Variants in NUP58 observed in about 807,000 individuals in gnomAD.
NUP58 encodes the protein nucleoporin 58.
NUP58 carries 17 observed loss-of-function variants against 70.1 expected under a neutral mutation model. The observed-to-expected ratio is 0.24, with a 90% CI of 0.17 to 0.36. NUP58 has a LOEUF of 0.36. Among genes scored for constraint, NUP58 ranks in the 10% least tolerant of loss-of-function variants. The pLI, the probability that NUP58 is intolerant of heterozygous loss-of-function variation, is 1.00. For missense variants in NUP58, 644 were observed against 701.5 expected (o/e 0.92, Z 0.93); for synonymous variants, 275 against 257.6 (o/e 1.07, Z -0.65).
At chr13:25,334,804 G>A (rs2031725688) in intron 13 of NUP58, 1 of 984,566 alleles carries the variant, frequency 1.0e-6, no homozygotes, top group Non-Finnish European at 1.2e-6. Flanking sequence ...TGGTTTTGTT[G>A]TGTGTGAATA....
chr13:25,329,539 A>C (rs1397576804), intron 12 of NUP58, among the ~76,000 whole-genome samples: 1 of 152,224 alleles, frequency 6.6e-6, no homozygotes, highest in Admixed American at 6.5e-5. Context: ...CCAGGAACGA[A>C]AGGATATTCC....
chr13:25,347,333 A>G (rs564235490), downstream of NUP58, among the ~76,000 whole-genome samples: 1 of 152,192 alleles, frequency 6.6e-6, no homozygotes, highest in Non-Finnish European at 1.5e-5. Context: ...ACTTCTGCTC[A>G]TACCACATTG....
downstream of NUP58, among the ~76,000 whole-genome samples, chr13:25,343,813 A>ATATATG (rs1566076130): frequency 6.8e-6 from 1 of 146,830 alleles, no homozygotes; most frequent in African/African-American, 2.5e-5. Flanking sequence ...ATGTATATAT[A>ATATATG]TATATATATA....
intron 1 of NUP58, among the ~76,000 whole-genome samples, chr13:25,302,410 C>CT (rs1491136617): frequency 6.6e-6 from 1 of 152,094 alleles, no homozygotes; most frequent in African/African-American, 2.4e-5. Flanking sequence ...AACAAAAACA[C>CT]TTTTTTACAG....
At chr13:25,313,919 G>A (rs1441068470) in intron 5 of NUP58, among the ~76,000 whole-genome samples, 168 bp downstream of exon 5, 4 of 151,816 alleles carry the variant, frequency 2.6e-5, no homozygotes, top group South Asian at 2.1e-4. Flanking sequence ...TGTATTAACC[G>A]TATTTTATTT....
chr13:25,333,292 T>C (rs1306025251), intron 13 of NUP58: 3 of 985,254 alleles, frequency 3.0e-6, no homozygotes, highest in African/African-American at 3.5e-5. Context: ...GTAGACAATA[T>C]AGATTTTGTC....
rs2031955067 is a variant in NUP58 at position 25,341,541 on chromosome 13, T to A, written c.*1407T>A. ...TTGGAATAGAGAAACCAGTATATTT[T>A]AAAAAAGAAAAATATTCTTTGTAGC... On this transcript the variant is annotated 3_prime_UTR_variant, in exon 16 of 16. Transcript: ENST00000381736. 1 of 152,558 alleles carries A rather than the reference T, an allele frequency of 6.6e-6. No homozygotes were observed. Among genetic ancestry groups the A allele is most frequent in the Admixed American group, 6.5e-5 (1 of 15,274 alleles). The allele number at this position is 152,558 out of a possible 1,614,324, so 9.5% of individuals were successfully genotyped here.
At chr13:25,338,974 C>G in intron 15 of NUP58, 1 of 277,260 alleles carries the variant, frequency 3.6e-6, no homozygotes. Context: ...ATTACATCTT[C>G]TAACTCAGAG....
rs1566074674 is a variant in NUP58, at chr13:25,341,154, C to G, written c.*1020C>G. ...TCAACTTTATTGCCCCTGATCTTTT[C>G]CATTTTTGTTTCCACCTTAACCTAT... On this transcript the variant is annotated 3_prime_UTR_variant, in exon 16 of 16. Coordinates refer to ENST00000381736, the MANE Select transcript of NUP58 (RefSeq NM_014089.4). 1 of 152,256 alleles carries G rather than the reference C, an allele frequency of 6.6e-6. No homozygotes were observed. Among genetic ancestry groups the G allele is most frequent in the South Asian group, 2.1e-4 (1 of 4,830 alleles). 9.4% of individuals were successfully genotyped at this position (152,256 alleles called of 1,614,324 possible). A position where few individuals can be genotyped will look rare whatever the true frequency, so the allele number is the denominator to read the frequency against.
chr13:25,337,079 T>A, intron 14 of NUP58, 45 bp downstream of exon 14: 1 of 1,376,214 alleles, frequency 7.3e-7, no homozygotes, highest in Non-Finnish European at 1.0e-6. Flanking sequence ...ATTATATATT[T>A]GAATTGATAC....
At chr13:25,304,498 A>G (rs1314524824) in intron 1 of NUP58, among the ~76,000 whole-genome samples, 1 of 115,822 alleles carries the variant, frequency 8.6e-6, no homozygotes, top group African/African-American at 3.1e-5. Context: ...ATATATATAT[A>G]TATATATATA....
In NUP58 at chr13:25,304,478, TTATATATATATATA is replaced by T. The variant is rs67019897; in HGVS notation, c.107+2624_107+2637del. On this transcript the variant is annotated intron_variant, in intron 1 of 15. Coordinates refer to ENST00000381736, the MANE Select transcript of NUP58 (RefSeq NM_014089.4). ...AATGTCTTCAGTTATGTTGTCAAGATTATATATATATATATATATATATATATATATATATATAT... is the reference window on the plus strand; with the variant it reads ...AATGTCTTCAGTTATGTTGTCAAGATTATATATATATATATATATATATAT... Among the ~76,000 whole-genome samples, 243 of 83,426 alleles carry T rather than the reference TTATATATATATATA, an allele frequency of 2.9e-3. 5 individuals carry two copies. The South Asian group carries it at 0.034, about 12-fold the overall frequency. The allele number at this position is 83,426 out of a possible 152,430, so 54.7% of individuals were successfully genotyped here.
chr13:25,337,048 T>A lies in NUP58; in HGVS notation c.1534+14T>A, dbSNP rs1391078319. 6.5e-7 allele frequency: 1 copy of A among 1,540,096 alleles called. No homozygotes were observed. The highest frequency in any genetic ancestry group is 1.4e-5 in the African/African-American group (1 of 71,876). On this transcript the variant is annotated intron_variant, in intron 14 of 15. Coordinates refer to ENST00000381736, the MANE Select transcript of NUP58 (RefSeq NM_014089.4). ...CAAACCTTGGAGGTACACTTTAACT[T>A]TTCTAATATTTCATTGAACTATTAT...
At chr13:25,334,943 A>G (rs918341819) in intron 13 of NUP58, 16 of 985,110 alleles carry the variant, frequency 1.6e-5, no homozygotes, top group Non-Finnish European at 1.8e-5. Flanking sequence ...TGACTATTCA[A>G]ATTTCAAAGC....
At chr13:25,344,882 C>T (rs749168417), downstream of NUP58, among the ~76,000 whole-genome samples, 1 of 152,120 alleles carries the variant, frequency 6.6e-6, no homozygotes, top group Non-Finnish European at 1.5e-5. Context: ...AGTTAATGTC[C>T]TACCTTTTCT....
Position 25,341,942 on chromosome 13 carries a change from A to T in NUP58, c.*1808A>T, listed in dbSNP as rs1323668148. ...TGCATGTGCCACACATTTTTTGTAT[A>T]ATGTTGGGTTTGATTATAAAAGTGT... On this transcript the variant is annotated 3_prime_UTR_variant, in exon 16 of 16. Transcript: ENST00000381736. The T allele has an allele frequency of 1.3e-5, 2 of 152,140 alleles. No homozygotes were observed. Among genetic ancestry groups the T allele is most frequent in the Non-Finnish European group, 2.9e-5 (2 of 67,998 alleles). The allele number at this position is 152,140 out of a possible 1,614,324, so 9.4% of individuals were successfully genotyped here.
downstream of NUP58, among the ~76,000 whole-genome samples, chr13:25,343,594 C>T (rs2032006460): frequency 6.6e-6 from 1 of 151,018 alleles, no homozygotes; most frequent in East Asian, 1.9e-4. Flanking sequence ...GGATTGCAGG[C>T]ATGATTACGC....
At chr13:25,310,194 A>G (rs185753883) in intron 3 of NUP58, among the ~76,000 whole-genome samples, 2 of 143,130 alleles carry the variant, frequency 1.4e-5, no homozygotes, top group Admixed American at 7.1e-5. Flanking sequence ...CACATACCAC[A>G]ACCCTTGGCT....
rs1433159616 is a variant in NUP58 at position 25,304,478 on chromosome 13, T to TA, written c.107+2598_107+2599insA. ...AATGTCTTCAGTTATGTTGTCAAGA[T>TA]TATATATATATATATATATATATAT... On this transcript the variant is annotated intron_variant, in intron 1 of 15. Coordinates refer to ENST00000381736, the MANE Select transcript of NUP58 (RefSeq NM_014089.4). Among the ~76,000 whole-genome samples the TA allele has an allele frequency of 2.4e-3, 200 of 83,420 alleles. 1 individual carries two copies. Among genetic ancestry groups the TA allele is most frequent in the Non-Finnish European group, 3.2e-3 (150 of 46,910 alleles). The allele number at this position is 83,420 out of a possible 152,430, so 54.7% of individuals were successfully genotyped here. A position where few individuals can be genotyped will look rare whatever the true frequency, so the allele number is the denominator to read the frequency against.
Sources: allele counts gnomAD v4.1 joint callset (sites outside exome capture counted in the v4.1 genomes callset), GRCh38; gene constraint gnomAD v4.1.1; transcripts MANE v1.5; gene names NCBI Gene and HGNC (gene_info 2026-07-23, HGNC 2026-07-21).